OR1J2: variants seen among roughly 807,000 people sequenced by gnomAD.
OR1J2 encodes the protein olfactory receptor family 1 subfamily J member 2, also known as olfactory receptor 1J2.
For synonymous variants in OR1J2, 142 were observed against 99.7 expected (o/e 1.42, Z -2.52); for missense variants, 304 against 246.1 (o/e 1.24, Z -1.57).
At chr9:122,476,181 C>G in the OR1J2 span, among the ~76,000 whole-genome samples, 1 of 152,184 alleles carries the variant, frequency 6.6e-6, no homozygotes, top group Non-Finnish European at 1.5e-5. Context: ...GGGCTATATT[C>G]TGGAAGGACA....
chr9:122,480,910 T>C, the OR1J2 span, among the ~76,000 whole-genome samples: 1 of 152,148 alleles, frequency 6.6e-6, no homozygotes, highest in Non-Finnish European at 1.5e-5. Context: ...TTCTCCTGCC[T>C]CAGCCTCCCG....
chr9:122,453,777 C>T, the OR1J2 span, among the ~76,000 whole-genome samples: 1 of 152,198 alleles, frequency 6.6e-6, no homozygotes, highest in Admixed American at 6.5e-5. Context: ...GTTAAAAGGG[C>T]AAACTAGACT....
chr9:122,474,746 A>T, the OR1J2 span, among the ~76,000 whole-genome samples: 1 of 152,184 alleles, frequency 6.6e-6, no homozygotes, highest in Non-Finnish European at 1.5e-5. Context: ...ACACATATAC[A>T]TATGCTTCTA....
the OR1J2 span, among the ~76,000 whole-genome samples, chr9:122,529,883 A>G: frequency 6.6e-6 from 1 of 152,156 alleles, no homozygotes; most frequent in Non-Finnish European, 1.5e-5. Context: ...GTCTCAAGTG[A>G]CTCTGCTTAC....
At chr9:122,483,229 A>G in the OR1J2 span, among the ~76,000 whole-genome samples, 1 of 152,262 alleles carries the variant, frequency 6.6e-6, no homozygotes, top group Non-Finnish European at 1.5e-5. Flanking sequence ...AAAATTGAAG[A>G]TTTACTTCTC....
chr9:122,492,613 C>T, the OR1J2 span, among the ~76,000 whole-genome samples: 1 of 152,144 alleles, frequency 6.6e-6, no homozygotes. Context: ...AACATTTCCA[C>T]TAACAGTGTA....
chr9:122,454,035 G>T, the OR1J2 span, among the ~76,000 whole-genome samples: 1,754 of 152,288 alleles, frequency 0.012, 28 homozygotes, highest in African/African-American at 0.039. Flanking sequence ...GGTCATCAAA[G>T]AACTCTGAGG....
chr9:122,484,770 C>T, the OR1J2 span, among the ~76,000 whole-genome samples: 2 of 152,034 alleles, frequency 1.3e-5, no homozygotes, highest in South Asian at 2.1e-4. Flanking sequence ...CGTTGGCTCA[C>T]ACCTGTAATC....
chr9:122,560,121 A>G, the OR1J2 span, among the ~76,000 whole-genome samples: 41,322 of 151,688 alleles, frequency 0.27, 5,762 homozygotes, highest in Middle Eastern at 0.35. Flanking sequence ...TTGGTTTAAA[A>G]TCTGTTTTGT....
At chr9:122,559,052 A>T in the OR1J2 span, among the ~76,000 whole-genome samples, 2 of 152,072 alleles carry the variant, frequency 1.3e-5, no homozygotes, top group Non-Finnish European at 2.9e-5. Flanking sequence ...CTTTGAGGTG[A>T]GAACATTCAC....
the OR1J2 span, among the ~76,000 whole-genome samples, chr9:122,578,826 A>C: frequency 6.6e-6 from 1 of 152,118 alleles, no homozygotes; most frequent in Non-Finnish European, 1.5e-5. Flanking sequence ...GAAGGTGAGA[A>C]ATAAAAGACT....
chr9:122,520,098 A>G, the OR1J2 span: 649 of 1,574,400 alleles, frequency 4.1e-4, no homozygotes, highest in Non-Finnish European at 5.3e-4. Context: ...ACTCTTCTTT[A>G]TAACAGACAT....
the OR1J2 span, among the ~76,000 whole-genome samples, chr9:122,462,279 C>T: frequency 1.3e-5 from 2 of 150,618 alleles, no homozygotes; most frequent in Non-Finnish European, 2.9e-5. Flanking sequence ...TAGCTTTTTC[C>T]ATCCCTTGAC....
At chr9:122,532,977 GAAGTA>G in the OR1J2 span, among the ~76,000 whole-genome samples, 1 of 152,132 alleles carries the variant, frequency 6.6e-6, no homozygotes, top group Non-Finnish European at 1.5e-5. Context: ...GGGCTTGACT[GAAGTA>G]AAGGGGGCTG....
chr9:122,472,013 A>C, the OR1J2 span, among the ~76,000 whole-genome samples: 2 of 152,226 alleles, frequency 1.3e-5, no homozygotes, highest in African/African-American at 4.8e-5. Flanking sequence ...GGTACCATCA[A>C]TAAAGCAGCC....
chr9:122,502,303 T>C, the OR1J2 span, among the ~76,000 whole-genome samples: 1 of 152,142 alleles, frequency 6.6e-6, no homozygotes, highest in Non-Finnish European at 1.5e-5. Context: ...CCTAATTTTC[T>C]TTAAAAAAAA....
chr9:122,470,553 G>A, the OR1J2 span, among the ~76,000 whole-genome samples: 2 of 152,200 alleles, frequency 1.3e-5, no homozygotes, highest in African/African-American at 4.8e-5. Context: ...GTCCCTACTG[G>A]GGCACTGTGG....
the OR1J2 span, chr9:122,554,250 T>G: frequency 9.7e-7 from 1 of 1,034,604 alleles, no homozygotes; most frequent in Non-Finnish European, 1.4e-6. Flanking sequence ...CATGTTGATA[T>G]TAGGGGAAGG....
At chr9:122,550,516 G>A in the OR1J2 span, among the ~76,000 whole-genome samples, 1 of 149,770 alleles carries the variant, frequency 6.7e-6, no homozygotes, top group Admixed American at 6.6e-5. Context: ...CTAGCAAACT[G>A]AATCCAACAG....
Sources: gnomAD v4.1 joint callset for allele counts (sites outside exome capture counted in the v4.1 genomes callset) on GRCh38, gnomAD v4.1.1 for gene constraint, MANE v1.5 for transcripts, NCBI Gene and HGNC (gene_info 2026-07-23, HGNC 2026-07-21) for gene names.